SPTBN2: variants seen among roughly 807,000 people sequenced by gnomAD.
SPTBN2 encodes spectrin beta, non-erythrocytic 2.
A neutral mutation model predicts 284.2 loss-of-function variants in SPTBN2; 107 were observed. The observed-to-expected ratio is 0.38, with a 90% CI of 0.32 to 0.44. The LOEUF (loss-of-function observed/expected upper bound fraction) is 0.44. Among genes scored for constraint, SPTBN2 ranks in the 20% least tolerant of loss-of-function variants. The pLI is 1.00. For missense variants in SPTBN2, 2,569 were observed against 3,287.1 expected (o/e 0.78, Z 5.34); for synonymous variants, 1,289 against 1,354.8 (o/e 0.95, Z 1.07).
At position 66,700,977 on chromosome 11, in the gene SPTBN2, C is replaced by T. The variant is rs765749156; in HGVS notation, c.3122G>A (p.Arg1041Lys). Residue 1041 changes from arginine to lysine, a missense_variant, in exon 17 of 38, where the codon AGA becomes AAA. Physicochemically the swap from Arg to Lys is conservative, Grantham distance 26. Around this residue, in one of 6 missense-constraint regions of SPTBN2, gnomAD observed 1,012 missense variants for 1,248.9 expected, o/e 0.81. Transcript: ENST00000533211. The surrounding 1 kb of genome is among the most constrained non-coding windows in gnomAD (Gnocchi z 6.6). ...GTCCTCCCAGCCGGTCTGCACCTCT[C>T]TCAGCCGGGCGTTGATGGCCACTGC... Reference protein sequence around the residue: ...AQAVAINARLREVQTGWEDLR... With the variant: ...AQAVAINARLKEVQTGWEDLR... 1 of 1,606,862 alleles carries T rather than the reference C, an allele frequency of 6.2e-7. No individual in the cohort carries two copies. Among genetic ancestry groups the T allele is most frequent in the South Asian group, 1.1e-5 (1 of 91,076 alleles).
In SPTBN2 at chr11:66,714,111, G is replaced by A. The variant is rs143358071; in HGVS notation, c.636C>T (p.Asn212=). 46 of 1,614,110 alleles carry A rather than the reference G, an allele frequency of 2.8e-5. No homozygotes were observed. Among genetic ancestry groups the A allele is most frequent in the African/African-American group, 2.5e-4 (19 of 74,940 alleles). ...TTSWRDGLAF[N]AIVHKHRPDL... ...CTCACCGGTGTTTATGCACGATGGC[G>A]TTGAAAGCTAGTCCATCTCTCCAGC... Residue 212 remains asparagine (N), a synonymous_variant, in exon 7 of 38, where the codon AAC becomes AAT. Transcript: ENST00000533211.
intron 1 of SPTBN2, among the ~76,000 whole-genome samples, chr11:66,743,361 C>A (rs1334332378): frequency 6.6e-6 from 1 of 152,146 alleles, no homozygotes; most frequent in Non-Finnish European, 1.5e-5. Flanking sequence ...TGGAGTAGCA[C>A]CAAGGTTGTG....
rs1371808053 is a variant in SPTBN2 at position 66,693,456 on chromosome 11, G to A, written c.4594-10C>T. ...TCTCTTTCTGCAGGGTCTGCCCATG[G>A]CCACAGAAGAGAAAATGCTGAAAGT... On this transcript the variant is annotated splice_polypyrimidine_tract_variant and intron_variant, in intron 23 of 37. Coordinates refer to ENST00000533211, the MANE Select transcript of SPTBN2 (RefSeq NM_006946.4). The surrounding 1 kb of genome is among the most constrained non-coding windows in gnomAD (Gnocchi z 5.7). 1 of 1,596,994 alleles carries A rather than the reference G, an allele frequency of 6.3e-7. No individual in the cohort carries two copies. The highest frequency in any genetic ancestry group is 1.3e-5 in the African/African-American group (1 of 74,966).
intron 1 of SPTBN2, among the ~76,000 whole-genome samples, chr11:66,738,224 A>G (rs768167775): frequency 1.3e-5 from 2 of 152,148 alleles, no homozygotes; most frequent in Non-Finnish European, 2.9e-5. Flanking sequence ...TCAAAAAAAC[A>G]AACAAACAAA....
Position 66,693,433 on chromosome 11 carries a change from T to C in SPTBN2, c.4607A>G (p.Glu1536Gly). 1 of 1,599,198 alleles carries C rather than the reference T, an allele frequency of 6.3e-7. No individual in the cohort carries two copies. The highest frequency in any genetic ancestry group is 2.2e-5 in the East Asian group (1 of 44,868). Residue 1536 changes from glutamate to glycine, a missense_variant, in exon 24 of 38, where the codon GAG (glutamate) becomes GGG (glycine). Physicochemically the swap from Glu to Gly is moderately conservative, Grantham distance 98. Around this residue, in one of 6 missense-constraint regions of SPTBN2, gnomAD observed 1,130 missense variants for 1,317.3 expected, o/e 0.86. Transcript: ENST00000533211. This position sits in a 1 kb window ranked among gnomAD's most constrained non-coding sequence, Gnocchi z 5.7. Reference protein sequence around the residue: ...LMKKNQTLQKEIQGHEPRIAD... With the variant: ...LMKKNQTLQKGIQGHEPRIAD... ...GATCCGGGGCTCATGGCCCTGAATC[T>C]CTTTCTGCAGGGTCTGCCCATGGCC... is the stretch of plus-strand genomic sequence containing the variant.
At chr11:66,737,937 G>A (rs779463905) in intron 1 of SPTBN2, among the ~76,000 whole-genome samples, 4 of 152,028 alleles carry the variant, frequency 2.6e-5, no homozygotes, top group Non-Finnish European at 4.4e-5. Flanking sequence ...AATTTAGGCC[G>A]GGTACGGTGG....
At position 66,683,976 on chromosome 11, in the gene SPTBN2, G is replaced by A. The variant is rs1386345268; in HGVS notation, c.*1895C>T. ...AGTTACGCGTATCCACCTGTTGGCT[G>A]TGGAACAGTAAATCTACCCATCTTA... On this transcript the variant is annotated 3_prime_UTR_variant, in exon 38 of 38. Coordinates refer to ENST00000533211, the MANE Select transcript of SPTBN2 (RefSeq NM_006946.4). Among the ~76,000 whole-genome samples the A allele has an allele frequency of 6.6e-6, 1 of 152,230 alleles. No homozygotes were observed. The highest frequency in any genetic ancestry group is 1.9e-4 in the East Asian group (1 of 5,204).
chr11:66,739,766 C>T (rs561456304), intron 1 of SPTBN2, among the ~76,000 whole-genome samples: 4 of 152,334 alleles, frequency 2.6e-5, no homozygotes, highest in Non-Finnish European at 4.4e-5. Flanking sequence ...CAGTGGCTCA[C>T]GCCTGTAATC....
In SPTBN2 at chr11:66,704,861, G is replaced by T. The variant is rs1417257943; in HGVS notation, c.2415C>A (p.Ala805=). 6.2e-7 allele frequency: 1 copy of T among 1,610,152 alleles called. No homozygotes were observed. Among genetic ancestry groups the T allele is most frequent in the Middle Eastern group, 1.6e-4 (1 of 6,062 alleles). The change falls in exon 15 of 38, where the codon GCC becomes GCA. Residue 805 remains alanine, a synonymous_variant. Coordinates refer to ENST00000533211, the MANE Select transcript of SPTBN2 (RefSeq NM_006946.4). Reference sequence around the variant, plus strand: ...GCAGGGCTGCTGCCTGTTCCCTCAAGGCGTCCAGGGTTGGCCGGTGGCTTC... The same window carrying T: ...GCAGGGCTGCTGCCTGTTCCCTCAATGCGTCCAGGGTTGGCCGGTGGCTTC... ...EIRSHRPTLD[A]LREQAAALPP...
intron 1 of SPTBN2, among the ~76,000 whole-genome samples, chr11:66,734,351 C>T (rs1015556390): frequency 1.3e-5 from 2 of 152,132 alleles, no homozygotes; most frequent in Non-Finnish European, 2.9e-5. Flanking sequence ...AGTGGCTCCC[C>T]ACTGCCCTTG....
In SPTBN2 at chr11:66,708,067, G is replaced by A. The variant is rs142817733; in HGVS notation, c.1350+74C>T. On this transcript the variant is annotated intron_variant, in intron 12 of 37. Transcript: ENST00000533211. This position sits in a 1 kb window ranked among gnomAD's most constrained non-coding sequence, Gnocchi z 4.4. ...TTGTGTTTCATTGTCTCTCCACCCC[G>A]CGGGGCTTCTTATCCACCCTGTCTC... 1.0e-5 allele frequency: 16 copies of A among 1,600,834 alleles called. No homozygotes were observed. The highest frequency in any genetic ancestry group is 2.7e-5 in the African/African-American group (2 of 74,754).
intron 7 of SPTBN2, 151 bp from the exon 8 acceptor site, chr11:66,713,897 C>G: frequency 1.2e-6 from 1 of 865,090 alleles, no homozygotes; most frequent in Non-Finnish European, 1.9e-6. Context: ...ACAGCCCCTC[C>G]CCACACCACC....
chr11:66,689,078 GC>G lies in SPTBN2; in HGVS notation c.6034+17del, dbSNP rs1565112201. 1 of 1,597,716 alleles carries G rather than the reference GC, an allele frequency of 6.3e-7. No individual in the cohort carries two copies. Among genetic ancestry groups the G allele is most frequent in the African/African-American group, 1.3e-5 (1 of 74,812 alleles). ...CCCCCCACTCCCCACAGGGCCTGGG[GC>G]CCCCTTGGCAGCTCACCCAGCTGAA... On this transcript the variant is annotated intron_variant, in intron 30 of 37. Transcript: ENST00000533211.
chr11:66,688,559 G>C, intron 31 of SPTBN2, 94 bp downstream of exon 31: 1 of 1,538,310 alleles, frequency 6.5e-7, no homozygotes. Context: ...CACTGGTGCA[G>C]TGGGAAGAGA....
chr11:66,712,644 C>G (rs1941928138), intron 8 of SPTBN2: 1 of 152,030 alleles, frequency 6.6e-6, no homozygotes, highest in South Asian at 2.1e-4. Context: ...GGTCAGCTGA[C>G]TACAGGCCAG....
rs548428543 is a variant in SPTBN2, at chr11:66,716,327, C to A, written c.158-346G>T. ...TGAAACCCCGTCTCTACTAAAATTACAAAAAATTAGCCGGGCATAGTGGCG... is the reference window on the plus strand; with the variant it reads ...TGAAACCCCGTCTCTACTAAAATTAAAAAAAATTAGCCGGGCATAGTGGCG... On this transcript the variant is annotated intron_variant, in intron 3 of 37. Coordinates refer to ENST00000533211, the MANE Select transcript of SPTBN2 (RefSeq NM_006946.4). Among the ~76,000 whole-genome samples, 184 of 151,968 alleles carry A rather than the reference C, an allele frequency of 1.2e-3. 3 individuals carry two copies. Among genetic ancestry groups the A allele is most frequent in the African/African-American group, 3.5e-3 (147 of 41,476 alleles).
intron 17 of SPTBN2, among the ~76,000 whole-genome samples, chr11:66,699,892 A>G (rs1223604348): frequency 6.6e-6 from 1 of 151,976 alleles, no homozygotes; most frequent in Non-Finnish European, 1.5e-5. Flanking sequence ...TGGGCTTTCT[A>G]TTTCTTCTAA....
rs146602750 is a variant in SPTBN2 at position 66,692,587 on chromosome 11, G to A, written c.5139C>T (p.Arg1713=). 9.3e-5 allele frequency: 149 copies of A among 1,606,404 alleles called. No homozygotes were observed. In the African/African-American group the frequency reaches 1.7e-3, roughly 18 times the overall value. The change falls in exon 26 of 38, where the codon CGC becomes CGT. Residue 1713 remains arginine, a synonymous_variant. Transcript: ENST00000533211. ...GCTCGTGGGAGGCCGCCACCACCTCGCGCTCCTGGATCCACTGTTCCAGGT... is the reference window on the plus strand; with the variant it reads ...GCTCGTGGGAGGCCGCCACCACCTCACGCTCCTGGATCCACTGTTCCAGGT... ...LDDLEQWIQE[R]EVVAASHELG... is the part of the protein sequence containing the mutation.
In SPTBN2 at chr11:66,708,505, G is replaced by A. The variant is rs1219247681; in HGVS notation, c.1192-206C>T. On this transcript the variant is annotated intron_variant, in intron 11 of 37. Transcript: ENST00000533211. This position sits in a 1 kb window ranked among gnomAD's most constrained non-coding sequence, Gnocchi z 4.4. ...AGCTTCTGGAAAAGGACTGGAGGGA[G>A]CACGAACAGTGGAAACCATCTGATT... Among the ~76,000 whole-genome samples the A allele has an allele frequency of 3.9e-5, 6 of 152,250 alleles. No individual in the cohort carries two copies. Among genetic ancestry groups the A allele is most frequent in the Non-Finnish European group, 5.9e-5 (4 of 68,038 alleles).
Sources: allele counts gnomAD v4.1 joint callset (sites outside exome capture counted in the v4.1 genomes callset), GRCh38; gene constraint gnomAD v4.1.1; regional missense constraint gnomAD v4.1.1; non-coding constraint Gnocchi (gnomAD v3.1); transcripts MANE v1.5; gene names NCBI Gene and HGNC (gene_info 2026-07-23, HGNC 2026-07-21).